The following ZNF516 variants were observed in gnomAD, a reference collection of about 807,000 sequenced individuals.
The protein encoded by ZNF516 is zinc finger protein 516.
ZNF516 carries 19 observed loss-of-function variants against 79.7 expected under a neutral mutation model. The observed-to-expected ratio is 0.24, with a 90% CI of 0.17 to 0.35. The LOEUF (loss-of-function observed/expected upper bound fraction) is 0.35, where lower values mean the gene tolerates loss of function less well. ZNF516 is among the 10% of genes least tolerant of loss of function. The pLI, the probability that ZNF516 is intolerant of heterozygous loss-of-function variation, is 1.00. For missense variants in ZNF516, 1,678 were observed against 1,679.5 expected (o/e 1.00, Z 0.02); for synonymous variants, 877 against 739.5 (o/e 1.19, Z -3.02).
At chr18:76,460,181 A>G (rs1205947991) in intron 2 of ZNF516, among the ~76,000 whole-genome samples, 1 of 152,106 alleles carries the variant, frequency 6.6e-6, no homozygotes, top group East Asian at 1.9e-4. Context: ...GCAATCATAA[A>G]TCCTCATCCT....
intron 3 of ZNF516, among the ~76,000 whole-genome samples, chr18:76,384,449 GC>G (rs1401294311): frequency 2.3e-5 from 2 of 85,824 alleles, no homozygotes; most frequent in East Asian, 7.4e-4. Flanking sequence ...CCCCGTCCAC[GC>G]CCCCCACGCC....
chr18:76,494,456 A>ACCCCCC (rs1915398600), intron 1 of ZNF516, among the ~76,000 whole-genome samples: 1 of 13,628 alleles, frequency 7.3e-5, no homozygotes, highest in African/African-American at 2.9e-4. Flanking sequence ...CCTCGCCCCC[A>ACCCCCC]CCCCCACCCC....
chr18:76,423,890 G>A lies in ZNF516; in HGVS notation c.1810+17355C>T, dbSNP rs576096678. On this transcript the variant is annotated intron_variant, in intron 3 of 6. Transcript: ENST00000443185. ...CACACGCAGGTGAAAAGGTTCCCCCGAAACACACGCAGGTGAAAAGGCTCC... is the reference window on the plus strand; with the variant it reads ...CACACGCAGGTGAAAAGGTTCCCCCAAAACACACGCAGGTGAAAAGGCTCC... Among the ~76,000 whole-genome samples the A allele has an allele frequency of 1.0e-4, 10 of 99,026 alleles. No homozygotes were observed. The East Asian group carries it at 2.0e-3, about 20-fold the overall frequency. The allele number at this position is 99,026 out of a possible 152,430, so 65.0% of individuals were successfully genotyped here.
In ZNF516 at chr18:76,358,775, T is replaced by G. The variant is rs1599116703; in HGVS notation, c.*3723A>C. The G allele has an allele frequency of 6.6e-6, 1 of 152,336 alleles. No homozygotes were observed. The highest frequency in any genetic ancestry group is 2.4e-5 in the African/African-American group (1 of 41,550). The allele number at this position is 152,336 out of a possible 1,614,324, so 9.4% of individuals were successfully genotyped here. On this transcript the variant is annotated 3_prime_UTR_variant, in exon 7 of 7. Coordinates refer to ENST00000443185, the MANE Select transcript of ZNF516 (RefSeq NM_014643.4). ...TGGGGGTGGCAGAGGAGGGTTTGTC[T>G]AGTTTGAAGGAAGGAATGTTGGTAG... is the stretch of plus-strand genomic sequence containing the variant.
At chr18:76,492,164 C>G (rs1415020006) in intron 1 of ZNF516, 10 of 985,266 alleles carry the variant, frequency 1.0e-5, no homozygotes, top group South Asian at 4.7e-5. Flanking sequence ...ATCCCCATCC[C>G]GGTGGGTACA....
chr18:76,486,119 C>A (rs531405158), intron 1 of ZNF516, among the ~76,000 whole-genome samples: 1 of 152,174 alleles, frequency 6.6e-6, no homozygotes, highest in East Asian at 1.9e-4. Context: ...CTATTTCTCA[C>A]AAAAATTGTA....
chr18:76,360,640 A>ATAT lies in ZNF516; in HGVS notation c.*1857_*1858insATA, dbSNP rs1239135425. ...TATCAGAAAAAAATAAGTAAAAAAA[A>ATAT]AAAAAAATATATATATATATATATA... On this transcript the variant is annotated 3_prime_UTR_variant, in exon 7 of 7. Transcript: ENST00000443185. 15 of 107,508 alleles carry ATAT rather than the reference A, an allele frequency of 1.4e-4. No homozygotes were observed. Among genetic ancestry groups the ATAT allele is most frequent in the Non-Finnish European group, 2.0e-4 (10 of 50,412 alleles). 6.7% of individuals were successfully genotyped at this position (107,508 alleles called of 1,614,324 possible).
Position 76,493,215 on chromosome 18 carries a change from G to A in ZNF516, c.-272+1929C>T. The A allele has an allele frequency of 7.2e-6, 7 of 969,268 alleles. No homozygotes were observed. Among genetic ancestry groups the A allele is most frequent in the African/African-American group, 1.8e-5 (1 of 56,714 alleles). The allele number at this position is 969,268 out of a possible 1,614,324, so 60.0% of individuals were successfully genotyped here. On this transcript the variant is annotated intron_variant, in intron 1 of 6. Transcript: ENST00000443185. The surrounding 1 kb of genome is among the most constrained non-coding windows in gnomAD (Gnocchi z 5.2). ...TTCTTTAAGGAGGGAGGCGTCAGAC[G>A]ATATCCATTTAAATATATTTTGTAC...
chr18:76,386,136 G>GA (rs2074988200), intron 3 of ZNF516: 1 of 152,206 alleles, frequency 6.6e-6, no homozygotes, highest in Non-Finnish European at 1.5e-5. Flanking sequence ...CCGTGAACAG[G>GA]AAGGGGTGTC....
Position 76,441,377 on chromosome 18 carries a change from T to C in ZNF516, c.1678A>G (p.Ser560Gly). Residue 560 changes from serine to glycine, a missense_variant, in exon 3 of 7, where the codon AGT becomes GGT. Coordinates refer to ENST00000443185, the MANE Select transcript of ZNF516 (RefSeq NM_014643.4). ...GGCTGGGAGGCCGAGTCACCCTCAC[T>C]GAGTGATCCGCAGCGGGCCCGCGCC... is the stretch of plus-strand genomic sequence containing the variant. The part of the protein sequence containing the change: ...RAARARCGSL[S>G]EGDSASQPSS... 7 of 1,610,710 alleles carry C rather than the reference T, an allele frequency of 4.3e-6. No individual in the cohort carries two copies. The highest frequency in any genetic ancestry group is 5.9e-6 in the Non-Finnish European group (7 of 1,179,040).
intron 3 of ZNF516, among the ~76,000 whole-genome samples, chr18:76,382,978 G>A (rs1380640126): frequency 1.4e-5 from 2 of 147,188 alleles, no homozygotes; most frequent in Non-Finnish European, 3.0e-5. Flanking sequence ...GGAGGCTGCA[G>A]TGAGCCGAGA....
intron 6 of ZNF516, among the ~76,000 whole-genome samples, chr18:76,367,767 G>A (rs150743942): frequency 1.2e-3 from 180 of 152,270 alleles, no homozygotes; most frequent in Non-Finnish European, 2.1e-3. Flanking sequence ...TTATCTTGTC[G>A]CCCCAGTATC....
At chr18:76,362,701 A>AC (rs1461511164) in intron 6 of ZNF516, 144 bp from the exon 7 acceptor site, 16 of 691,684 alleles carry the variant, frequency 2.3e-5, no homozygotes, top group Non-Finnish European at 3.7e-5. Flanking sequence ...GTAGGCGAAG[A>AC]CCCCCTGACC....
chr18:76,440,763 C>T (rs4891162), intron 3 of ZNF516, among the ~76,000 whole-genome samples: 1,177 of 66,586 alleles, frequency 0.018, 10 homozygotes, highest in East Asian at 0.045. Context: ...TGTGTGTGTG[C>T]GCGCACGCGC....
At chr18:76,483,311 C>G (rs1470220023) in intron 1 of ZNF516, among the ~76,000 whole-genome samples, 1 of 152,180 alleles carries the variant, frequency 6.6e-6, no homozygotes, top group Admixed American at 6.5e-5. Flanking sequence ...TGCACACTTT[C>G]CTGGGTTCAG....
chr18:76,442,574 C>T lies in ZNF516; in HGVS notation c.481G>A (p.Glu161Lys). ...TCCCCCGGGGCGCATGCGGACCCCT[C>T]TGCCCCCTTCTTGCTGCTCCGCAGC... The part of the protein sequence containing the change: ...VLLRSSKKGA[E>K]GSACAPGEAK... The change falls in exon 3 of 7, where the codon GAG becomes AAG. Residue 161 changes from glutamate (E) to lysine (K), a missense_variant. Coordinates refer to ENST00000443185, the MANE Select transcript of ZNF516 (RefSeq NM_014643.4). The T allele has an allele frequency of 1.3e-6, 2 of 1,598,510 alleles. No individual in the cohort carries two copies. Among genetic ancestry groups the T allele is most frequent in the Non-Finnish European group, 1.7e-6 (2 of 1,179,384 alleles).
chr18:76,438,578 G>A (rs925469006), intron 3 of ZNF516, among the ~76,000 whole-genome samples: 14 of 151,960 alleles, frequency 9.2e-5, no homozygotes, highest in Admixed American at 1.3e-4. Flanking sequence ...AGTCAATAAC[G>A]AGAGCTGCTG....
chr18:76,379,157 G>A lies in ZNF516; in HGVS notation c.2957C>T (p.Pro986Leu), dbSNP rs762712042. The change falls in exon 4 of 7, where the codon CCT (proline) becomes CTT (leucine). Residue 986 changes from proline to leucine, a missense_variant. Transcript: ENST00000443185. Reference sequence around the variant, plus strand: ...AGCGCCCCCTTCGCCCTTTGCAGGAGGTGGACCCTGAGGCTGAGCACTGAA... The same window carrying A: ...AGCGCCCCCTTCGCCCTTTGCAGGAAGTGGACCCTGAGGCTGAGCACTGAA... The part of the protein sequence containing the change: ...AKFSAQPQGP[P>L]PAKGEGGAPP... The A allele has an allele frequency of 1.9e-6, 3 of 1,612,924 alleles. No individual in the cohort carries two copies. Among genetic ancestry groups the A allele is most frequent in the Admixed American group, 3.3e-5 (2 of 60,032 alleles).
chr18:76,442,428 C>G lies in ZNF516; in HGVS notation c.627G>C (p.Thr209=), dbSNP rs1381105298. The change falls in exon 3 of 7, where the codon ACG becomes ACC. Residue 209 remains threonine (T), a synonymous_variant. Coordinates refer to ENST00000443185, the MANE Select transcript of ZNF516 (RefSeq NM_014643.4). The part of the protein sequence containing the change: ...PFKCRLCSYA[T]LREESLLSHI... ...GGCTCAGCAGCGACTCCTCCCGCAG[C>G]GTCGCGTAGCTGCACAGCCTGCACT... 4 of 1,606,828 alleles carry G rather than the reference C, an allele frequency of 2.5e-6. No homozygotes were observed. The highest frequency in any genetic ancestry group is 2.5e-6 in the Non-Finnish European group (3 of 1,179,632).
Sources: allele counts gnomAD v4.1 joint callset (sites outside exome capture counted in the v4.1 genomes callset), GRCh38; gene constraint gnomAD v4.1.1; non-coding constraint Gnocchi (gnomAD v3.1); transcripts MANE v1.5; gene names NCBI Gene and HGNC (gene_info 2026-07-23, HGNC 2026-07-21).